USP9X: variants seen among roughly 807,000 people sequenced by gnomAD.
USP9X encodes the protein ubiquitin specific peptidase 9 X-linked.
USP9X carries 7 observed loss-of-function variants against 190.3 expected under a neutral mutation model. The ratio of observed to expected loss-of-function variants is 0.04; its 90% confidence interval spans 0.02 to 0.07. USP9X has a LOEUF of 0.07. Ranked by LOEUF, USP9X falls within the 10% of genes least tolerant of loss-of-function variation. The probability of loss-of-function intolerance (pLI) is 1.00; values close to 1 mark genes in which losing one functional copy is unlikely to be tolerated. For synonymous variants in USP9X, 645 were observed against 659.5 expected, an observed-to-expected ratio of 0.98 and a Z score of 0.34; for missense variants, 1,010 against 1,916.9, an observed-to-expected ratio of 0.53 and a Z score of 8.83.
At chrX:41,211,476 A>G (rs1325110735) in intron 33 of USP9X, among the ~76,000 whole-genome samples, 1 of 113,554 alleles carries the variant, frequency 8.8e-6, no homozygotes. Flanking sequence ...TGAAATAATG[A>G]CTTTTAAAAT....
chrX:41,172,041 C>A, intron 21 of USP9X, 83 bp downstream of exon 21: 1 of 1,110,445 alleles, frequency 9.0e-7, no homozygotes, highest in Non-Finnish European at 1.2e-6. Context: ...ATGGACCGTG[C>A]TTTTTGGTAT....
rs2063396454 is a variant in USP9X at position 41,235,985 on chromosome X, A to G, written c.*3461A>G. 9.0e-6 allele frequency: 1 copy of G among 111,371 alleles called. No individual in the cohort carries two copies. Among genetic ancestry groups the G allele is most frequent in the African/African-American group, 3.3e-5 (1 of 30,555 alleles). 9.2% of individuals were successfully genotyped at this position (111,371 alleles called of 1,213,427 possible). On this transcript the variant is annotated 3_prime_UTR_variant, in exon 45 of 45. Coordinates refer to ENST00000378308, the MANE Select transcript of USP9X (RefSeq NM_001039591.3). The stretch of plus-strand genomic sequence containing the variant: ...TCCAGCTTATGTTTTCCCATGAGCT[A>G]TTTTACTTTGCTGAATTTTGTGGGT...
chrX:41,162,594 T>A (rs576960909), intron 14 of USP9X, among the ~76,000 whole-genome samples, 196 bp from the exon 15 acceptor site: 10 of 112,213 alleles, frequency 8.9e-5, no homozygotes, highest in African/African-American at 3.2e-4. Flanking sequence ...ATTATTTTGT[T>A]TTGGTTATGT....
intron 1 of USP9X, among the ~76,000 whole-genome samples, chrX:41,102,650 T>C (rs1244515243): frequency 1.8e-5 from 2 of 111,745 alleles, no homozygotes; most frequent in Non-Finnish European, 3.8e-5. Context: ...TTATTAATAC[T>C]GCCTTGTCTA....
intron 1 of USP9X, among the ~76,000 whole-genome samples, chrX:41,109,646 A>G (rs1327438958): frequency 1.8e-5 from 2 of 112,326 alleles, no homozygotes; most frequent in Non-Finnish European, 3.8e-5. Flanking sequence ...TGGAAATAAA[A>G]TACGAGCATT....
At chrX:41,217,892 A>G (rs1052292336) in intron 36 of USP9X, among the ~76,000 whole-genome samples, 4 of 111,884 alleles carry the variant, frequency 3.6e-5, no homozygotes, top group African/African-American at 6.5e-5. Context: ...CCTGTCTCAA[A>G]CAAAACCAAA....
chrX:41,094,153 A>G (rs995164366), intron 1 of USP9X, among the ~76,000 whole-genome samples: 44 of 105,928 alleles, frequency 4.2e-4, no homozygotes, highest in Non-Finnish European at 7.9e-4. Context: ...GGAGGAACCT[A>G]CTGTAGTGAC....
At chrX:41,190,154 A>G (rs1216690865) in intron 26 of USP9X, among the ~76,000 whole-genome samples, 1 of 112,355 alleles carries the variant, frequency 8.9e-6, no homozygotes, top group African/African-American at 3.2e-5. Context: ...TACTTTCATC[A>G]TTCCATCACA....
chrX:41,117,093 G>A (rs2062153311), intron 1 of USP9X, among the ~76,000 whole-genome samples: 1 of 111,246 alleles, frequency 9.0e-6, no homozygotes, highest in South Asian at 3.7e-4. Context: ...AGCTTGTCGG[G>A]TAGAAGAAAC....
chrX:41,134,585 A>T, intron 4 of USP9X, 140 bp from the exon 5 acceptor site: 1 of 447,828 alleles, frequency 2.2e-6, no homozygotes, highest in Non-Finnish European at 3.7e-6. Flanking sequence ...TTACTCGGTT[A>T]ATCTACTTTT....
At chrX:41,095,043 CAA>C (rs35922180) in intron 1 of USP9X, among the ~76,000 whole-genome samples, 7 of 70,744 alleles carry the variant, frequency 9.9e-5, no homozygotes, top group African/African-American at 1.0e-4. Context: ...GACTCCGTCT[CAA>C]AAAAAAAAAA....
At chrX:41,163,404 A>C (rs1240848541) in intron 15 of USP9X, among the ~76,000 whole-genome samples, 1 of 108,666 alleles carries the variant, frequency 9.2e-6, no homozygotes, top group Non-Finnish European at 1.9e-5. Context: ...TTTTCTCTGC[A>C]ATATTTAGCG....
chrX:41,190,815 G>A (rs1219756130), intron 26 of USP9X, among the ~76,000 whole-genome samples: 3 of 111,207 alleles, frequency 2.7e-5, no homozygotes, highest in Non-Finnish European at 5.7e-5. Context: ...CATGCAGTGC[G>A]GTAATGTACT....
intron 21 of USP9X, among the ~76,000 whole-genome samples, chrX:41,174,575 T>C (rs2062757041): frequency 8.9e-6 from 1 of 112,164 alleles, no homozygotes; most frequent in South Asian, 3.7e-4. Flanking sequence ...AGAAGCGATG[T>C]TCTGTTCTTC....
chrX:41,110,285 G>A (rs1261934951), intron 1 of USP9X, among the ~76,000 whole-genome samples: 1 of 112,206 alleles, frequency 8.9e-6, no homozygotes, highest in Non-Finnish European at 1.9e-5. Flanking sequence ...ACAGCTAATT[G>A]TGTCTTAGTT....
chrX:41,148,587 C>T lies in USP9X; in HGVS notation c.1626+12C>T. 8.3e-7 allele frequency: 1 copy of T among 1,202,448 alleles called. No individual in the cohort carries two copies. Among genetic ancestry groups the T allele is most frequent in the Non-Finnish European group, 1.1e-6 (1 of 888,767 alleles). ...ACAGTTGCTCCCAGGTAAGAGTGTA[C>T]TGCTTTGCTCACTTTTTGTGACTTT... is the stretch of plus-strand genomic sequence containing the variant. On this transcript the variant is annotated intron_variant, in intron 12 of 44. Coordinates refer to ENST00000378308, the MANE Select transcript of USP9X (RefSeq NM_001039591.3).
intron 21 of USP9X, among the ~76,000 whole-genome samples, chrX:41,178,483 T>C (rs1396642165): frequency 5.4e-5 from 6 of 111,416 alleles, no homozygotes; most frequent in South Asian, 7.5e-4. Context: ...TGATTAGTTA[T>C]GTTGAGTGTG....
At chrX:41,121,117 A>G (rs1460814181) in intron 1 of USP9X, among the ~76,000 whole-genome samples, 2 of 110,135 alleles carry the variant, frequency 1.8e-5, no homozygotes, top group Non-Finnish European at 3.8e-5. Context: ...CCAAAGTGCT[A>G]GAATTACAGG....
intron 26 of USP9X, among the ~76,000 whole-genome samples, chrX:41,195,225 C>T (rs1390059304): frequency 1.8e-5 from 2 of 110,212 alleles, no homozygotes; most frequent in African/African-American, 6.6e-5. Flanking sequence ...TTAGTAGAAA[C>T]GGGGTTTCAC....
Sources: allele counts gnomAD v4.1 joint callset (sites outside exome capture counted in the v4.1 genomes callset), GRCh38; gene constraint gnomAD v4.1.1; transcripts MANE v1.5; gene names NCBI Gene and HGNC (gene_info 2026-07-23, HGNC 2026-07-21).